KPNA7: variants seen among roughly 807,000 people sequenced by gnomAD.
The protein encoded by KPNA7 is karyopherin subunit alpha 7.
KPNA7 carries 54 observed loss-of-function variants against 53.7 expected under a neutral mutation model. The observed-to-expected ratio is 1.01, with a 90% CI of 0.81 to 1.26. KPNA7 has a LOEUF of 1.26. Among genes scored for constraint, KPNA7 ranks in the 50% most tolerant of loss-of-function variants. The pLI, the probability that KPNA7 is intolerant of heterozygous loss-of-function variation, is 0.00. For synonymous variants in KPNA7, 276 were observed against 259.3 expected (o/e 1.06, Z -0.62); for missense variants, 640 against 644.5 (o/e 0.99, Z 0.07).
rs138335466 is a variant in KPNA7, at chr7:99,213,820, G to A, written c.-23-6331C>T. ...GATGCGGTCTTGCTGTGTTGCCCAC[G>A]CTGTTCTTGAACTCCTGACCTCAAG... is the stretch of plus-strand genomic sequence containing the variant. On this transcript the variant is annotated intron_variant, in intron 1 of 10. Coordinates refer to the KPNA7 transcript ENST00000681060. Among the ~76,000 whole-genome samples, 620 of 151,890 alleles carry A rather than the reference G, an allele frequency of 4.1e-3. 3 individuals are homozygous for A. The highest frequency in any genetic ancestry group is 0.014 in the African/African-American group (583 of 41,444).
intron 8 of KPNA7, among the ~76,000 whole-genome samples, chr7:99,184,643 G>A (rs532306879): frequency 2.0e-5 from 3 of 152,258 alleles, no homozygotes; most frequent in East Asian, 3.9e-4. Flanking sequence ...TTTCACCACC[G>A]CTTAGACATA....
At chr7:99,203,759 G>A (rs1444594183) in intron 2 of KPNA7, among the ~76,000 whole-genome samples, 1 of 152,022 alleles carries the variant, frequency 6.6e-6, no homozygotes, top group Non-Finnish European at 1.5e-5. Context: ...CACCCAGGCT[G>A]GAGGGCAGTG....
chr7:99,166,193 G>A, the KPNA7 span, among the ~76,000 whole-genome samples: 20 of 152,120 alleles, frequency 1.3e-4, no homozygotes, highest in South Asian at 4.2e-3. Flanking sequence ...TTTATTTATA[G>A]CAATGCCAAA....
intron 8 of KPNA7, 57 bp downstream of exon 8, chr7:99,184,872 C>T: frequency 7.0e-7 from 1 of 1,424,314 alleles, no homozygotes; most frequent in Non-Finnish European, 9.7e-7. Flanking sequence ...TGAAGGAGTT[C>T]AACCCAGGGC....
chr7:99,205,352 C>T (rs1456067490), intron 2 of KPNA7, among the ~76,000 whole-genome samples: 2 of 141,306 alleles, frequency 1.4e-5, no homozygotes, highest in Non-Finnish European at 3.0e-5. Context: ...GCAGAGGTTG[C>T]AGTGAGCCAA....
At chr7:99,207,015 T>G (rs1037500986) in intron 2 of KPNA7, among the ~76,000 whole-genome samples, 1 of 151,760 alleles carries the variant, frequency 6.6e-6, no homozygotes, top group Non-Finnish European at 1.5e-5. Flanking sequence ...TCAACCCATC[T>G]CTCCACCACC....
downstream of KPNA7, among the ~76,000 whole-genome samples, chr7:99,171,647 G>A (rs1464241381): frequency 6.6e-6 from 1 of 152,176 alleles, no homozygotes; most frequent in African/African-American, 2.4e-5. Flanking sequence ...TGTAGACCCA[G>A]CTACTCAAGA....
At chr7:99,217,611 C>T (rs1477143149) in intron 1 of KPNA7, among the ~76,000 whole-genome samples, 2 of 132,320 alleles carry the variant, frequency 1.5e-5, no homozygotes, top group African/African-American at 5.5e-5. Flanking sequence ...ACGGGGACTC[C>T]ACCTTGCCTT....
intron 1 of KPNA7, 48 bp from the exon 2 acceptor site, chr7:99,207,537 GTTA>G: frequency 2.2e-6 from 2 of 914,568 alleles, no homozygotes; most frequent in Non-Finnish European, 1.7e-6. Context: ...CATTGTGTGG[GTTA>G]TTATGTCAGT....
intron 1 of KPNA7, among the ~76,000 whole-genome samples, chr7:99,218,990 C>T (rs545406950): frequency 1.3e-3 from 205 of 152,394 alleles, no homozygotes; most frequent in African/African-American, 4.7e-3. Flanking sequence ...GCCCCTTGGT[C>T]AGCCTTAAAT....
intron 9 of KPNA7, among the ~76,000 whole-genome samples, chr7:99,179,578 T>TA (rs1563066669): frequency 6.6e-6 from 1 of 150,772 alleles, no homozygotes; most frequent in East Asian, 1.9e-4. Context: ...TATATTTATA[T>TA]TATTTATATT....
chr7:99,186,989 A>T (rs544894463), intron 7 of KPNA7, among the ~76,000 whole-genome samples: 1 of 152,238 alleles, frequency 6.6e-6, no homozygotes, highest in Non-Finnish European at 1.5e-5. Flanking sequence ...TGACATGTTT[A>T]ATAACATAGC....
intron 3 of KPNA7, 46 bp downstream of exon 3, chr7:99,203,060 T>C: frequency 6.5e-7 from 1 of 1,538,250 alleles, no homozygotes; most frequent in Non-Finnish European, 8.8e-7. Flanking sequence ...AGACACTTGC[T>C]AAGAACATAT....
At chr7:99,167,770 T>G in the KPNA7 span, among the ~76,000 whole-genome samples, 1 of 151,830 alleles carries the variant, frequency 6.6e-6, no homozygotes, top group Admixed American at 6.6e-5. Context: ...CATGAGCCAC[T>G]GTGCCTGGCC....
intron 9 of KPNA7, among the ~76,000 whole-genome samples, chr7:99,181,367 T>C (rs1409649160): frequency 6.6e-6 from 1 of 152,196 alleles, no homozygotes; most frequent in African/African-American, 2.4e-5. Context: ...CCCTCATACA[T>C]AATGTCCATT....
At chr7:99,177,877 A>C (rs1261488509) in intron 10 of KPNA7, 43 bp downstream of exon 10, 1 of 1,546,142 alleles carries the variant, frequency 6.5e-7, no homozygotes, top group African/African-American at 1.4e-5. Context: ...GAGCTGCCCC[A>C]CCAAGACCCC....
chr7:99,188,826 C>T (rs578036351), intron 6 of KPNA7, among the ~76,000 whole-genome samples: 4 of 152,068 alleles, frequency 2.6e-5, no homozygotes, highest in South Asian at 4.2e-4. Context: ...TACAGGTGCC[C>T]GCCACCACAC....
At chr7:99,176,501 G>A (rs959354012) in intron 10 of KPNA7, among the ~76,000 whole-genome samples, 1 of 152,062 alleles carries the variant, frequency 6.6e-6, no homozygotes, top group Non-Finnish European at 1.5e-5. Context: ...TATATCTACT[G>A]TGGAAAAGAG....
chr7:99,213,811 G>A (rs1791135569), intron 1 of KPNA7, among the ~76,000 whole-genome samples: 1 of 151,790 alleles, frequency 6.6e-6, no homozygotes. Context: ...GTCTTGCTGT[G>A]TTGCCCACGC....
Sources: allele counts gnomAD v4.1 joint callset (sites outside exome capture counted in the v4.1 genomes callset), GRCh38; gene constraint gnomAD v4.1.1; transcripts MANE v1.5; gene names NCBI Gene and HGNC (gene_info 2026-07-23, HGNC 2026-07-21).